ANKRD13B: variants seen among roughly 807,000 people sequenced by gnomAD.
ANKRD13B encodes ankyrin repeat domain 13B.
A neutral mutation model predicts 74.4 loss-of-function variants in ANKRD13B; 33 were observed. The observed-to-expected ratio is 0.44, with a 90% confidence interval of 0.34 to 0.59. The LOEUF (loss-of-function observed/expected upper bound fraction) is 0.59. Ranked by LOEUF, ANKRD13B falls within the 20% of genes least tolerant of loss-of-function variation. The pLI is 0.02. For missense variants in ANKRD13B, 676 were observed against 877.9 expected (o/e 0.77, Z 2.91); for synonymous variants, 341 against 362.9 (o/e 0.94, Z 0.68).
chr17:29,599,865 G>GGT (rs2034090707), intron 1 of ANKRD13B, among the ~76,000 whole-genome samples: 1 of 50,772 alleles, frequency 2.0e-5, no homozygotes, highest in Non-Finnish European at 3.7e-5. Context: ...CATCTAATTT[G>GGT]TTTTTTTTTT....
rs1598614270 is a variant in ANKRD13B at position 29,609,475 on chromosome 17, C to G, written c.822+54C>G. 1 of 1,594,366 alleles carries G rather than the reference C, an allele frequency of 6.3e-7. No individual in the cohort carries two copies. Among genetic ancestry groups the G allele is most frequent in the East Asian group, 2.3e-5 (1 of 44,410 alleles). On this transcript the variant is annotated intron_variant, in intron 7 of 14. Coordinates refer to ENST00000394859, the MANE Select transcript of ANKRD13B (RefSeq NM_152345.5). This position sits in a 1 kb window ranked among gnomAD's most constrained non-coding sequence, Gnocchi z 4.0. ...CAGCTGCACTCTTGCCTACAGCAAG[C>G]TGTACAGGGGATTCTGACCTCCCTT...
At chr17:29,597,988 G>A (rs1037631586) in intron 1 of ANKRD13B, among the ~76,000 whole-genome samples, 27 of 152,246 alleles carry the variant, frequency 1.8e-4, no homozygotes, top group South Asian at 6.2e-4. Flanking sequence ...TAGCTGCAGC[G>A]GCTGCGGCTG....
chr17:29,611,680 G>A lies in ANKRD13B; in HGVS notation c.969+37G>A, dbSNP rs1388964344. The A allele has an allele frequency of 6.2e-7, 1 of 1,609,588 alleles. No homozygotes were observed. The highest frequency in any genetic ancestry group is 1.1e-5 in the South Asian group (1 of 90,988). On this transcript the variant is annotated intron_variant, in intron 9 of 14. Coordinates refer to ENST00000394859, the MANE Select transcript of ANKRD13B (RefSeq NM_152345.5). This position sits in a 1 kb window ranked among gnomAD's most constrained non-coding sequence, Gnocchi z 4.3. ...CAGGGGTACCCGTAAGTGGAGGGAT[G>A]TGGATGTGGCTCAGGAGGAGGCTTG...
Position 29,608,113 on chromosome 17 carries a change from G to A in ANKRD13B, c.375+3G>A. On this transcript the variant is annotated splice_donor_region_variant and intron_variant, in intron 3 of 14. Coordinates refer to ENST00000394859, the MANE Select transcript of ANKRD13B (RefSeq NM_152345.5). The surrounding 1 kb of genome is among the most constrained non-coding windows in gnomAD (Gnocchi z 6.4). ...TGCTCCTGGAGAAGCTGCGCAAGGT[G>A]AGGCCCAGCCTCTCAGCCTCCACGG... 2.5e-6 allele frequency: 4 copies of A among 1,613,456 alleles called. No individual in the cohort carries two copies. The highest frequency in any genetic ancestry group is 3.4e-6 in the Non-Finnish European group (4 of 1,179,694).
rs756920015 is a variant in ANKRD13B at position 29,611,843 on chromosome 17, G to A, written c.970-33G>A. ...AGTTGGCCTGGCATTAGGAACTGAGGGGAGCTCCTGGGCCCCTCCCCATGT... is the reference window on the plus strand; with the variant it reads ...AGTTGGCCTGGCATTAGGAACTGAGAGGAGCTCCTGGGCCCCTCCCCATGT... On this transcript the variant is annotated intron_variant, in intron 9 of 14. Coordinates refer to ENST00000394859, the MANE Select transcript of ANKRD13B (RefSeq NM_152345.5). This position sits in a 1 kb window ranked among gnomAD's most constrained non-coding sequence, Gnocchi z 4.3. The A allele has an allele frequency of 1.4e-5, 22 of 1,567,762 alleles. No homozygotes were observed. The highest frequency in any genetic ancestry group is 1.8e-5 in the Admixed American group (1 of 54,466).
chr17:29,597,392 G>A (rs953262714), intron 1 of ANKRD13B, among the ~76,000 whole-genome samples: 11 of 152,126 alleles, frequency 7.2e-5, no homozygotes, highest in Admixed American at 2.0e-4. Context: ...ACCTATGAGC[G>A]TACGAGTGTG....
chr17:29,613,574 G>A lies in ANKRD13B; in HGVS notation c.1873G>A (p.Glu625Lys). 1 of 1,460,414 alleles carries A rather than the reference G, an allele frequency of 6.8e-7. No homozygotes were observed. The highest frequency in any genetic ancestry group is 9.1e-7 in the Non-Finnish European group (1 of 1,103,628). 90.5% of individuals were successfully genotyped at this position (1,460,414 alleles called of 1,614,324 possible). A position where few individuals can be genotyped will look rare whatever the true frequency, so the allele number is the denominator to read the frequency against. ...LERILRLSLT[E>K]Q Reference sequence around the variant, plus strand: ...GCGCATCCTGAGGCTCTCACTGACCGAGCAGTAGCGCCCCCTGCCGGGACC... The same window carrying A: ...GCGCATCCTGAGGCTCTCACTGACCAAGCAGTAGCGCCCCCTGCCGGGACC... Residue 625 changes from glutamate to lysine, a missense_variant, in exon 15 of 15, where the codon GAG (glutamate) becomes AAG (lysine). Around this residue, in one of 4 missense-constraint regions of ANKRD13B, gnomAD observed 108 missense variants for 90.3 expected, o/e 1.20. Coordinates refer to ENST00000394859, the MANE Select transcript of ANKRD13B (RefSeq NM_152345.5).
At chr17:29,606,181 G>T (rs2034366916) in intron 1 of ANKRD13B, among the ~76,000 whole-genome samples, 1 of 151,822 alleles carries the variant, frequency 6.6e-6, no homozygotes, top group Non-Finnish European at 1.5e-5. Flanking sequence ...AAAGTGCTGG[G>T]ATTACAGGCG....
intron 1 of ANKRD13B, 160 bp downstream of exon 1, chr17:29,593,895 A>ATCCGC (rs2033858521): frequency 3.2e-6 from 1 of 310,424 alleles, no homozygotes; most frequent in African/African-American, 2.2e-5. Context: ...GGAAAGGGTG[A>ATCCGC]TCCCCTCCGG....
At chr17:29,610,568 C>T in intron 7 of ANKRD13B, 117 bp from the exon 8 acceptor site, 1 of 716,762 alleles carries the variant, frequency 1.4e-6, no homozygotes, top group Non-Finnish European at 2.2e-6. Flanking sequence ...TACCCAAAAG[C>T]CTGAAGCAGA....
chr17:29,609,083 C>T lies in ANKRD13B; in HGVS notation c.566-3C>T. ...TCCCCCTGTGCTGTTCCGTGTCTGG[C>T]AGACACAAGCGCCGTGGTCATGGAG... On this transcript the variant is annotated splice_region_variant and splice_polypyrimidine_tract_variant and intron_variant, in intron 5 of 14. Transcript: ENST00000394859. The surrounding 1 kb of genome is among the most constrained non-coding windows in gnomAD (Gnocchi z 4.0). The T allele has an allele frequency of 3.7e-6, 6 of 1,610,528 alleles. No individual in the cohort carries two copies. Among genetic ancestry groups the T allele is most frequent in the Non-Finnish European group, 5.1e-6 (6 of 1,179,360 alleles).
intron 1 of ANKRD13B, among the ~76,000 whole-genome samples, chr17:29,603,332 C>A (rs762254067): frequency 6.6e-6 from 1 of 152,154 alleles, no homozygotes; most frequent in Non-Finnish European, 1.5e-5. Flanking sequence ...GCCTCGAACT[C>A]CTGGGCTCAA....
rs73280605 is a variant in ANKRD13B at position 29,600,590 on chromosome 17, G to A, written c.114+6855G>A. On this transcript the variant is annotated intron_variant, in intron 1 of 14. Coordinates refer to ENST00000394859, the MANE Select transcript of ANKRD13B (RefSeq NM_152345.5). Reference sequence around the variant, plus strand: ...CCCCTGGTGTCCTGTGGTGAGGAAGGGGGGCATCTCCCAGCTTAATGAGGC... The same window carrying A: ...CCCCTGGTGTCCTGTGGTGAGGAAGAGGGGCATCTCCCAGCTTAATGAGGC... 5.2e-3 allele frequency among the ~76,000 whole-genome samples: 788 copies of A among 152,280 alleles called. 11 individuals carry two copies. The highest frequency in any genetic ancestry group is 0.017 in the African/African-American group (717 of 41,552).
Position 29,608,690 on chromosome 17 carries a change from G to A in ANKRD13B, c.422-161G>A. On this transcript the variant is annotated intron_variant, in intron 4 of 14. Coordinates refer to ENST00000394859, the MANE Select transcript of ANKRD13B (RefSeq NM_152345.5). The surrounding 1 kb of genome is among the most constrained non-coding windows in gnomAD (Gnocchi z 6.4). The stretch of plus-strand genomic sequence containing the variant: ...CAGGTTGCTCTTCTGTGTGAGTATG[G>A]TCTACACTGGCCAGGGAGGGGGTTT... 3 of 1,023,380 alleles carry A rather than the reference G, an allele frequency of 2.9e-6. No individual in the cohort carries two copies. The highest frequency in any genetic ancestry group is 4.2e-6 in the Non-Finnish European group (3 of 714,746). 63.4% of individuals were successfully genotyped at this position (1,023,380 alleles called of 1,614,324 possible).
chr17:29,604,696 C>T (rs189004725), intron 1 of ANKRD13B, among the ~76,000 whole-genome samples: 3 of 151,946 alleles, frequency 2.0e-5, no homozygotes, highest in African/African-American at 4.8e-5. Context: ...CACCCATCAC[C>T]AAGCCCGGCT....
At chr17:29,610,152 A>G (rs2034531408) in intron 7 of ANKRD13B, among the ~76,000 whole-genome samples, 1 of 151,046 alleles carries the variant, frequency 6.6e-6, no homozygotes, top group African/African-American at 2.4e-5. Flanking sequence ...CGATCCCGCC[A>G]CAGCACTCCA....
In ANKRD13B at chr17:29,608,378, C is replaced by T. The variant is rs2034463693; in HGVS notation, c.421+138C>T. ...GCTCAGCTCAGGGCCACCGCCTCAG[C>T]TAGGCCTTTCCAGATTGCCCCAGAT... On this transcript the variant is annotated intron_variant, in intron 4 of 14. Coordinates refer to ENST00000394859, the MANE Select transcript of ANKRD13B (RefSeq NM_152345.5). The surrounding 1 kb of genome is among the most constrained non-coding windows in gnomAD (Gnocchi z 6.4). The T allele has an allele frequency of 1.8e-6, 2 of 1,092,636 alleles. No homozygotes were observed. Among genetic ancestry groups the T allele is most frequent in the African/African-American group, 3.2e-5 (2 of 63,354 alleles). The allele number at this position is 1,092,636 out of a possible 1,614,324, so 67.7% of individuals were successfully genotyped here.
In ANKRD13B at chr17:29,612,946, G is replaced by T; in HGVS notation, c.1635G>T (p.Glu545Asp). 6.3e-7 allele frequency: 1 copy of T among 1,598,046 alleles called. No individual in the cohort carries two copies. The highest frequency in any genetic ancestry group is 8.5e-7 in the Non-Finnish European group (1 of 1,179,612). ...CAGGCACCCACCCCATGTCCTACGA[G>T]GGTCGCCGACAGGACAGGTCAGTGC... ...SKPGTHPMSY[E>D]GRRQDRSAPP... is the part of the protein sequence containing the mutation. Residue 545 changes from glutamate (E) to aspartate (D), a missense_variant, in exon 14 of 15, where the codon GAG becomes GAT. Glu to Asp is a conservative substitution (Grantham distance 45, BLOSUM62 2). Coordinates refer to ENST00000394859, the MANE Select transcript of ANKRD13B (RefSeq NM_152345.5). This position sits in a 1 kb window ranked among gnomAD's most constrained non-coding sequence, Gnocchi z 6.1.
rs1255507886 is a variant in ANKRD13B at position 29,608,335 on chromosome 17, G to C, written c.421+95G>C. Reference sequence around the variant, plus strand: ...AATGTGTTCTCATAGTTCTTCCGGCGGTTCCCTCTATGCCTTAGCTCAGCT... The same window carrying C: ...AATGTGTTCTCATAGTTCTTCCGGCCGTTCCCTCTATGCCTTAGCTCAGCT... On this transcript the variant is annotated intron_variant, in intron 4 of 14. Transcript: ENST00000394859. The surrounding 1 kb of genome is among the most constrained non-coding windows in gnomAD (Gnocchi z 6.4). The C allele has an allele frequency of 5.9e-6, 9 of 1,531,398 alleles. No individual in the cohort carries two copies. The highest frequency in any genetic ancestry group is 8.0e-6 in the Non-Finnish European group (9 of 1,123,130). 94.9% of individuals were successfully genotyped at this position (1,531,398 alleles called of 1,614,324 possible).
Sources: gnomAD v4.1 joint callset for allele counts (sites outside exome capture counted in the v4.1 genomes callset) on GRCh38, gnomAD v4.1.1 for gene constraint, gnomAD v4.1.1 regional missense constraint, Gnocchi (gnomAD v3.1) non-coding constraint, MANE v1.5 for transcripts, NCBI Gene and HGNC (gene_info 2026-07-23, HGNC 2026-07-21) for gene names.